Variants in HACL1 observed in about 807,000 individuals in gnomAD.
HACL1 encodes the protein 2-hydroxyacyl-CoA lyase 1, also known as 1600020H07Rik.
HACL1 carries 64 observed loss-of-function variants against 74.2 expected under a neutral mutation model. The observed-to-expected ratio is 0.86, with a 90% CI of 0.70 to 1.06. HACL1 has a LOEUF of 1.06. Ranked by LOEUF, HACL1 falls within the 50% of genes least tolerant of loss-of-function variation. The pLI is 0.00. For synonymous variants in HACL1, 230 were observed against 238.8 expected, an observed-to-expected ratio of 0.96 and a Z score of 0.34; for missense variants, 728 against 719.7, an observed-to-expected ratio of 1.01 and a Z score of -0.13.
chr3:15,592,051 T>C (rs114714299), intron 3 of HACL1, among the ~76,000 whole-genome samples: 3,913 of 42,240 alleles, frequency 0.093, 255 homozygotes, highest in African/African-American at 0.27. Flanking sequence ...ACACACACTA[T>C]ATACGTATAT....
chr3:15,560,831 G>C lies in HACL1; in HGVS notation c.*34C>G, dbSNP rs2063334368. On this transcript the variant is annotated 3_prime_UTR_variant, in exon 17 of 17. Coordinates refer to ENST00000321169, the MANE Select transcript of HACL1 (RefSeq NM_012260.4). ...AAATAAAATTTCATCTTGCAAGAAA[G>C]AGAAAACTCAAGACCACCAACTGGC... is the stretch of plus-strand genomic sequence containing the variant. 2.0e-6 allele frequency: 3 copies of C among 1,491,690 alleles called. No homozygotes were observed. The highest frequency in any genetic ancestry group is 2.8e-6 in the Non-Finnish European group (3 of 1,077,898). The allele number at this position is 1,491,690 out of a possible 1,614,324, so 92.4% of individuals were successfully genotyped here. A position where few individuals can be genotyped will look rare whatever the true frequency, so the allele number is the denominator to read the frequency against.
intron 11 of HACL1, among the ~76,000 whole-genome samples, chr3:15,572,068 G>C (rs2063546136): frequency 6.6e-6 from 1 of 151,906 alleles, no homozygotes; most frequent in African/African-American, 2.4e-5. Context: ...TCGAACTCCT[G>C]ACCTCAGGTG....
At position 15,564,641 on chromosome 3, in the gene HACL1, A is replaced by AG. The variant is rs2063402266; in HGVS notation, c.1426_1427insC (p.Ile476ThrfsTer7). On this transcript the variant is annotated frameshift_variant, in exon 15 of 17. Coordinates refer to ENST00000321169, the MANE Select transcript of HACL1 (RefSeq NM_012260.4). LOFTEE classifies it high-confidence loss of function. The stretch of plus-strand genomic sequence containing the variant: ...TCCATTGTTATTCACTACCAACAGT[A>AG]TGATTGGCAAGTTGTACCTAAAGTG... 6.7e-7 allele frequency: 1 copy of AG among 1,493,010 alleles called. No individual in the cohort carries two copies. The highest frequency in any genetic ancestry group is 1.4e-5 in the African/African-American group (1 of 72,512). 92.5% of individuals were successfully genotyped at this position (1,493,010 alleles called of 1,614,324 possible).
At chr3:15,561,475 G>C (rs796541242) in intron 16 of HACL1, among the ~76,000 whole-genome samples, 11 of 152,258 alleles carry the variant, frequency 7.2e-5, no homozygotes, top group African/African-American at 2.4e-4. Flanking sequence ...ATAAATGTAA[G>C]AAATATAAAA....
intron 14 of HACL1, 80 bp downstream of exon 14, chr3:15,567,754 CTTCATAAGTA>C: frequency 8.2e-7 from 1 of 1,225,068 alleles, no homozygotes; most frequent in South Asian, 1.3e-5. Flanking sequence ...CTGGTGAACG[CTTCATAAGTA>C]TTTGTCAGGT....
At chr3:15,599,914 A>G (rs74425522) in intron 2 of HACL1, among the ~76,000 whole-genome samples, 3 of 152,260 alleles carry the variant, frequency 2.0e-5, no homozygotes, top group Non-Finnish European at 4.4e-5. Flanking sequence ...AAAACAGTTA[A>G]GTATAGGTTC....
chr3:15,582,774 C>A, intron 8 of HACL1, 103 bp downstream of exon 8: 1 of 596,276 alleles, frequency 1.7e-6, no homozygotes, highest in South Asian at 2.2e-5. Context: ...AATTCTTATT[C>A]CAATCTCAAA....
intron 3 of HACL1, among the ~76,000 whole-genome samples, chr3:15,593,766 G>A (rs1427822153): frequency 1.3e-5 from 2 of 148,416 alleles, no homozygotes; most frequent in Non-Finnish European, 3.0e-5. Context: ...GCAGTGCTCT[G>A]CCCAAAATGT....
intron 12 of HACL1, among the ~76,000 whole-genome samples, chr3:15,569,833 A>G (rs1015484345): frequency 3.3e-5 from 5 of 151,554 alleles, no homozygotes; most frequent in Non-Finnish European, 7.4e-5. Context: ...AAAAGAAAAA[A>G]AAAAAAAGTA....
intron 12 of HACL1, among the ~76,000 whole-genome samples, chr3:15,570,476 A>G (rs1380342101): frequency 4.6e-5 from 7 of 151,922 alleles, no homozygotes; most frequent in Non-Finnish European, 1.0e-4. Flanking sequence ...CTCAAATTTT[A>G]TATTTGCTTA....
intron 3 of HACL1, among the ~76,000 whole-genome samples, chr3:15,595,601 T>C (rs1574948436): frequency 7.0e-6 from 1 of 142,042 alleles, no homozygotes; most frequent in South Asian, 2.2e-4. Flanking sequence ...TTCATCTTTT[T>C]TCCTTTTTTT....
At chr3:15,576,924 G>A (rs1292705186) in intron 9 of HACL1, among the ~76,000 whole-genome samples, 1 of 152,054 alleles carries the variant, frequency 6.6e-6, no homozygotes, top group East Asian at 1.9e-4. Flanking sequence ...TCAGCAGGAC[G>A]GACTTGCTTA....
chr3:15,560,789 A>G lies in HACL1; in HGVS notation c.*76T>C. 1.1e-6 allele frequency: 1 copy of G among 927,918 alleles called. No homozygotes were observed. Among genetic ancestry groups the G allele is most frequent in the Non-Finnish European group, 1.8e-6 (1 of 567,470 alleles). The allele number at this position is 927,918 out of a possible 1,614,324, so 57.5% of individuals were successfully genotyped here. A position where few individuals can be genotyped will look rare whatever the true frequency, so the allele number is the denominator to read the frequency against. On this transcript the variant is annotated 3_prime_UTR_variant, in exon 17 of 17. Coordinates refer to ENST00000321169, the MANE Select transcript of HACL1 (RefSeq NM_012260.4). Reference sequence around the variant, plus strand: ...TTATTTTGCACAATTTTAACAGTAGAGTAATTTTGCTGTGGAAAATAAAAT... The same window carrying G: ...TTATTTTGCACAATTTTAACAGTAGGGTAATTTTGCTGTGGAAAATAAAAT...
intron 8 of HACL1, among the ~76,000 whole-genome samples, chr3:15,580,677 T>G (rs1398243649): frequency 1.3e-5 from 2 of 152,178 alleles, no homozygotes; most frequent in Non-Finnish European, 2.9e-5. Context: ...CTATCTTCAT[T>G]GAGAGGCCCA....
At chr3:15,587,282 A>C (rs1160599700) in intron 5 of HACL1, among the ~76,000 whole-genome samples, 2 of 141,876 alleles carry the variant, frequency 1.4e-5, no homozygotes, top group African/African-American at 2.7e-5. Flanking sequence ...AGATACTTGG[A>C]TTCTTTCTCT....
intron 5 of HACL1, among the ~76,000 whole-genome samples, chr3:15,589,178 G>A (rs1559558866): frequency 1.3e-5 from 2 of 152,108 alleles, no homozygotes; most frequent in African/African-American, 4.8e-5. Context: ...TCTTAATGGT[G>A]TGTATGTATT....
At chr3:15,601,283 C>A in intron 1 of HACL1, 89 bp from the exon 2 acceptor site, 1 of 1,574,050 alleles carries the variant, frequency 6.4e-7, no homozygotes, top group Non-Finnish European at 8.7e-7. Flanking sequence ...AAAGGAAAAC[C>A]CCCCGACCCC....
At position 15,586,533 on chromosome 3, in the gene HACL1, T is replaced by A. The variant is rs74637339; in HGVS notation, c.451A>T (p.Ile151Phe). The A allele has an allele frequency of 0.046, 72,744 of 1,570,510 alleles. 2,090 individuals carry two copies. Among genetic ancestry groups the A allele is most frequent in the Non-Finnish European group, 0.054 (61,621 of 1,142,058 alleles). ...GTTATTAAATACTGTACCTTTTCAA[T>A]AACAAAAGGAATAGCTTCTATGCTG... ...PSSIEAIPFV[I>F]EKAVRSSIYG... The change falls in exon 6 of 17, where the codon ATT becomes TTT. Residue 151 changes from isoleucine to phenylalanine, a missense_variant. Coordinates refer to ENST00000321169, the MANE Select transcript of HACL1 (RefSeq NM_012260.4).
intron 10 of HACL1, among the ~76,000 whole-genome samples, chr3:15,574,123 G>T (rs2125243529): frequency 6.6e-6 from 1 of 152,294 alleles, no homozygotes; most frequent in South Asian, 2.1e-4. Context: ...CTGGCATTTT[G>T]GGAGGCTGAG....
Sources: gnomAD v4.1 joint callset for allele counts (sites outside exome capture counted in the v4.1 genomes callset) on GRCh38, gnomAD v4.1.1 for gene constraint, MANE v1.5 for transcripts, NCBI Gene and HGNC (gene_info 2026-07-23, HGNC 2026-07-21) for gene names.